Variants in KPNA3 observed in about 807,000 individuals in gnomAD.
KPNA3 encodes importin subunit alpha-4.
A neutral mutation model predicts 73.8 loss-of-function variants in KPNA3; 13 were observed. That is an observed-to-expected ratio of 0.18 (90% CI 0.11 to 0.28). The LOEUF is 0.28. Among genes scored for constraint, KPNA3 ranks in the 10% least tolerant of loss-of-function variants. KPNA3 has a pLI of 1.00. For missense variants in KPNA3, 360 were observed against 618.1 expected, an observed-to-expected ratio of 0.58 and a Z score of 4.43; for synonymous variants, 186 against 206.9, an observed-to-expected ratio of 0.90 and a Z score of 0.87.
intron 1 of KPNA3, among the ~76,000 whole-genome samples, chr13:49,755,589 G>A (rs1463952401): frequency 3.9e-5 from 6 of 152,294 alleles, no homozygotes; most frequent in East Asian, 1.9e-4. Flanking sequence ...GAGGTCAAGA[G>A]ATCAAGACCA....
intron 1 of KPNA3, among the ~76,000 whole-genome samples, chr13:49,791,919 C>T (rs556383339): frequency 6.6e-6 from 1 of 152,250 alleles, no homozygotes; most frequent in Non-Finnish European, 1.5e-5. Context: ...TCCCCACCCC[C>T]CTCTGCGGGC....
chr13:49,786,589 A>G (rs1345087579), intron 1 of KPNA3, among the ~76,000 whole-genome samples: 1 of 152,184 alleles, frequency 6.6e-6, no homozygotes, highest in Non-Finnish European at 1.5e-5. Flanking sequence ...CACTGAAGAG[A>G]TAGGTTGCCA....
chr13:49,722,198 CAT>C, intron 8 of KPNA3, 74 bp from the exon 9 acceptor site: 1 of 975,616 alleles, frequency 1.0e-6, no homozygotes, highest in Non-Finnish European at 1.5e-6. Flanking sequence ...TGCAATGGCT[CAT>C]GTGGGAACAC....
chr13:49,713,438 C>T (rs77794632), intron 10 of KPNA3, among the ~76,000 whole-genome samples: 3,081 of 151,910 alleles, frequency 0.02, 43 homozygotes, highest in South Asian at 0.03. Flanking sequence ...GAACTTTATA[C>T]CCTGATAATG....
chr13:49,711,851 T>C (rs891678887), intron 10 of KPNA3, among the ~76,000 whole-genome samples: 3 of 152,140 alleles, frequency 2.0e-5, no homozygotes, highest in African/African-American at 4.8e-5. Flanking sequence ...AAAAAGGATA[T>C]AGATGAATAA....
At chr13:49,781,997 T>C (rs1424556994) in intron 1 of KPNA3, among the ~76,000 whole-genome samples, 1 of 149,552 alleles carries the variant, frequency 6.7e-6, no homozygotes, top group Non-Finnish European at 1.5e-5. Flanking sequence ...GATGGTTACC[T>C]TCACAGTACT....
chr13:49,702,024 G>C, intron 16 of KPNA3, 126 bp from the exon 17 acceptor site: 1 of 613,310 alleles, frequency 1.6e-6, no homozygotes, highest in African/African-American at 1.9e-5. Flanking sequence ...AAAAATATTC[G>C]AGTAAATCAA....
chr13:49,785,585 G>A (rs1566363431), intron 1 of KPNA3, among the ~76,000 whole-genome samples: 1 of 152,132 alleles, frequency 6.6e-6, no homozygotes, highest in African/African-American at 2.4e-5. Context: ...AAAGCCAAGG[G>A]AGTTGCTGAT....
chr13:49,715,809 T>C (rs912126803), intron 10 of KPNA3, among the ~76,000 whole-genome samples: 15 of 152,212 alleles, frequency 9.9e-5, no homozygotes, highest in Non-Finnish European at 1.8e-4. Context: ...CCTGAAGATA[T>C]ACCTCCAATA....
chr13:49,710,882 A>C lies in KPNA3; in HGVS notation c.903+9T>G, dbSNP rs767221701. The C allele has an allele frequency of 6.8e-6, 11 of 1,608,620 alleles. No individual in the cohort carries two copies. The highest frequency in any genetic ancestry group is 8.5e-6 in the Non-Finnish European group (10 of 1,178,394). ...TGTATACAAATAAGAAAAATTTAAA[A>C]ATACTTACTTGAACTTTGACTTCCT... is the stretch of plus-strand genomic sequence containing the variant. On this transcript the variant is annotated intron_variant, in intron 11 of 16. Transcript: ENST00000261667.
intron 10 of KPNA3, among the ~76,000 whole-genome samples, chr13:49,718,696 C>A (rs756158816): frequency 1.1e-4 from 17 of 152,188 alleles, no homozygotes; most frequent in South Asian, 2.1e-4. Flanking sequence ...GGAAATAAGA[C>A]GGCATATAAA....
chr13:49,740,029 T>C (rs1395626261), intron 2 of KPNA3, among the ~76,000 whole-genome samples: 2 of 152,110 alleles, frequency 1.3e-5, no homozygotes, highest in Non-Finnish European at 2.9e-5. Context: ...GGCGGGCAGA[T>C]TGCTTGAGCT....
chr13:49,701,762 C>T lies in KPNA3; in HGVS notation c.*38G>A. 8.1e-7 allele frequency: 1 copy of T among 1,236,180 alleles called. No individual in the cohort carries two copies. The allele number at this position is 1,236,180 out of a possible 1,614,324, so 76.6% of individuals were successfully genotyped here. On this transcript the variant is annotated 3_prime_UTR_variant, in exon 17 of 17. Transcript: ENST00000261667. ...ATTTGGTAGCCATCTGGTGGTGCTT[C>T]ATATTGAATGTGGGAAAGATGCTGC...
chr13:49,763,959 C>T (rs759270350), intron 1 of KPNA3, among the ~76,000 whole-genome samples: 5 of 150,148 alleles, frequency 3.3e-5, no homozygotes, highest in African/African-American at 4.9e-5. Flanking sequence ...CTCAGCTATT[C>T]GGGAGACTGA....
At chr13:49,721,573 A>C (rs1205354831) in intron 9 of KPNA3, among the ~76,000 whole-genome samples, 2 of 152,148 alleles carry the variant, frequency 1.3e-5, no homozygotes, top group African/African-American at 4.8e-5. Context: ...TCATCCCAGC[A>C]CTTTGGGAGG....
chr13:49,772,582 C>A (rs1303338112), intron 1 of KPNA3, among the ~76,000 whole-genome samples: 1 of 152,134 alleles, frequency 6.6e-6, no homozygotes, highest in Non-Finnish European at 1.5e-5. Context: ...GCAGGTGGAT[C>A]ACCTGAGGTC....
chr13:49,705,926 G>A, intron 14 of KPNA3, 143 bp from the exon 15 acceptor site: 1 of 957,974 alleles, frequency 1.0e-6, no homozygotes, highest in Non-Finnish European at 1.5e-6. Flanking sequence ...TCATGCCTGT[G>A]AATAGCAACT....
At chr13:49,740,545 G>A (rs1479700445) in intron 2 of KPNA3, among the ~76,000 whole-genome samples, 2 of 152,124 alleles carry the variant, frequency 1.3e-5, no homozygotes, top group African/African-American at 4.8e-5. Context: ...TTAAAAACAA[G>A]TTTGCCTGCA....
chr13:49,765,869 T>G (rs1416551450), intron 1 of KPNA3, among the ~76,000 whole-genome samples: 3 of 152,318 alleles, frequency 2.0e-5, no homozygotes, highest in African/African-American at 7.2e-5. Flanking sequence ...CAGATTTTGG[T>G]GTGTTCTGCA....
Sources: allele counts gnomAD v4.1 joint callset (sites outside exome capture counted in the v4.1 genomes callset), GRCh38; gene constraint gnomAD v4.1.1; transcripts MANE v1.5; gene names NCBI Gene and HGNC (gene_info 2026-07-23, HGNC 2026-07-21).